ZNF248: variants seen among roughly 807,000 people sequenced by gnomAD.
The protein encoded by ZNF248 is KRAB protein domain.
ZNF248 carries 20 observed loss-of-function variants against 44.3 expected under a neutral mutation model. The ratio of observed to expected loss-of-function variants is 0.45; its 90% CI spans 0.32 to 0.66. ZNF248 has a LOEUF of 0.66. ZNF248 is among the 30% of genes least tolerant of loss of function. ZNF248 has a pLI of 0.04. For synonymous variants in ZNF248, 224 were observed against 229.0 expected (o/e 0.98, Z 0.20); for missense variants, 654 against 677.0 (o/e 0.97, Z 0.38).
intron 6 of ZNF248, among the ~76,000 whole-genome samples, chr10:37,777,412 C>T (rs1659053973): frequency 6.6e-6 from 1 of 152,190 alleles, no homozygotes; most frequent in African/African-American, 2.4e-5. Flanking sequence ...CTGATTTCCT[C>T]CCTGTTCCCC....
rs570863131 is a variant in ZNF248, at chr10:37,856,453, G to A, written c.-46C>T. On this transcript the variant is annotated 5_prime_UTR_variant, in exon 2 of 6. Coordinates refer to ENST00000395867, the MANE Select transcript of ZNF248 (RefSeq NM_021045.3). ...TACTTACGTGTCCATGTGTGGCTCCGATATATGCTGAGCTCAGACATGACA... is the reference window on the plus strand; with the variant it reads ...TACTTACGTGTCCATGTGTGGCTCCAATATATGCTGAGCTCAGACATGACA... 2.1e-6 allele frequency: 3 copies of A among 1,410,310 alleles called. No homozygotes were observed. The highest frequency in any genetic ancestry group is 2.5e-5 in the Admixed American group (1 of 39,410). The allele number at this position is 1,410,310 out of a possible 1,614,324, so 87.4% of individuals were successfully genotyped here.
chr10:37,850,791 T>C (rs1332356721), intron 3 of ZNF248, among the ~76,000 whole-genome samples: 1 of 152,092 alleles, frequency 6.6e-6, no homozygotes, highest in Non-Finnish European at 1.5e-5. Flanking sequence ...ACCTCATACC[T>C]TACACAAAAA....
At chr10:37,771,540 C>T (rs187339217), downstream of ZNF248, among the ~76,000 whole-genome samples, 194 of 148,928 alleles carry the variant, frequency 1.3e-3, 1 homozygote, top group Non-Finnish European at 1.7e-3. Context: ...ATCAAAACAC[C>T]GCATGTTCTC....
At chr10:37,843,249 T>A (rs1056723174) in intron 3 of ZNF248, among the ~76,000 whole-genome samples, 16 of 151,790 alleles carry the variant, frequency 1.1e-4, no homozygotes, top group African/African-American at 3.9e-4. Flanking sequence ...TGAAACCCCA[T>A]CTCTACTAAA....
intron 6 of ZNF248, among the ~76,000 whole-genome samples, chr10:37,785,647 T>G (rs191508251): frequency 6.6e-6 from 1 of 152,348 alleles, no homozygotes; most frequent in Admixed American, 6.5e-5. Flanking sequence ...AGGAAACTCC[T>G]GGGCCTGGTT....
the ZNF248 span, among the ~76,000 whole-genome samples, chr10:37,763,740 T>C: frequency 6.6e-6 from 1 of 152,216 alleles, no homozygotes; most frequent in Non-Finnish European, 1.5e-5. Flanking sequence ...GCTGAAGCCA[T>C]GGCAGAAGAA....
the ZNF248 span, among the ~76,000 whole-genome samples, chr10:37,760,818 G>C: frequency 6.6e-6 from 1 of 152,172 alleles, no homozygotes; most frequent in African/African-American, 2.4e-5. Context: ...CTGGATGACA[G>C]AGCAAGACTC....
downstream of ZNF248, among the ~76,000 whole-genome samples, chr10:37,824,673 ATTTTTTTTTTT>A (rs755411927): frequency 2.3e-4 from 18 of 79,704 alleles, no homozygotes; most frequent in Admixed American, 2.2e-4. Context: ...ATTATTTTAA[ATTTTTTTTTTT>A]TTTTTTTTTT....
At chr10:37,851,844 C>A (rs1016101105) in intron 3 of ZNF248, among the ~76,000 whole-genome samples, 5 of 146,440 alleles carry the variant, frequency 3.4e-5, no homozygotes, top group Non-Finnish European at 7.4e-5. Flanking sequence ...CTGGATCATG[C>A]GTACAGTGGC....
chr10:37,767,590 C>G, the ZNF248 span, among the ~76,000 whole-genome samples: 1 of 152,104 alleles, frequency 6.6e-6, no homozygotes, highest in African/African-American at 2.4e-5. Flanking sequence ...ATTTTGTCAC[C>G]ACCAGGCCTG....
chr10:37,830,662 C>G lies in ZNF248; in HGVS notation c.*953G>C, dbSNP rs1355013360. 1 of 953,572 alleles carries G rather than the reference C, an allele frequency of 1.0e-6. No individual in the cohort carries two copies. The highest frequency in any genetic ancestry group is 1.2e-6 in the Non-Finnish European group (1 of 801,386). The allele number at this position is 953,572 out of a possible 1,614,324, so 59.1% of individuals were successfully genotyped here. ...GCAGGTTCTCTGAGAAAATTAAAAC[C>G]CTGATTTATAGTTTGTCAATTTCCA... On this transcript the variant is annotated 3_prime_UTR_variant, in exon 6 of 6. Transcript: ENST00000395867.
chr10:37,828,651 A>C, downstream of ZNF248: 1 of 981,342 alleles, frequency 1.0e-6, no homozygotes, highest in Non-Finnish European at 1.2e-6. Flanking sequence ...TATTACTAGA[A>C]GAATGCAGAA....
At chr10:37,762,393 G>C in the ZNF248 span, among the ~76,000 whole-genome samples, 1 of 152,168 alleles carries the variant, frequency 6.6e-6, no homozygotes, top group South Asian at 2.1e-4. Flanking sequence ...TTATGTTCAA[G>C]AATTTGCCCC....
chr10:37,806,123 G>A (rs2050519353), intron 6 of ZNF248, among the ~76,000 whole-genome samples: 1 of 152,148 alleles, frequency 6.6e-6, no homozygotes, highest in Middle Eastern at 3.2e-3. Context: ...GGGACACATG[G>A]GTTGCTTTCA....
chr10:37,821,079 G>C, intron 6 of ZNF248: 1 of 650,148 alleles, frequency 1.5e-6, no homozygotes, highest in Non-Finnish European at 2.6e-6. Context: ...CTGAGAAGTA[G>C]GTCTACAGAG....
chr10:37,804,249 G>A (rs1332724932), intron 6 of ZNF248, among the ~76,000 whole-genome samples: 1 of 149,328 alleles, frequency 6.7e-6, no homozygotes, highest in Non-Finnish European at 1.5e-5. Context: ...TGTACCTGAG[G>A]GTGGTGGTTT....
At chr10:37,765,671 C>A in the ZNF248 span, among the ~76,000 whole-genome samples, 2 of 152,214 alleles carry the variant, frequency 1.3e-5, no homozygotes, top group African/African-American at 2.4e-5. Context: ...ATAGGAACAG[C>A]TCTGGTCTAC....
At chr10:37,813,206 T>C (rs946356980) in intron 6 of ZNF248, among the ~76,000 whole-genome samples, 7 of 152,152 alleles carry the variant, frequency 4.6e-5, no homozygotes, top group African/African-American at 9.7e-5. Context: ...AGAAACAATG[T>C]CGTAAAACAA....
chr10:37,791,265 A>G lies in ZNF248; in HGVS notation c.331-14690T>C, dbSNP rs916499607. ...CACCATGTTAGCCAGGATGGTTTCA[A>G]TCTCCTGACCTCGTGATCCACCTAC... On this transcript the variant is annotated intron_variant, in intron 6 of 6. Transcript: ENST00000615949. Among the ~76,000 whole-genome samples, 3 of 151,446 alleles carry G rather than the reference A, an allele frequency of 2.0e-5. No homozygotes were observed. The East Asian group carries it at 5.8e-4, about 29-fold the overall frequency.
Sources: gnomAD v4.1 joint callset for allele counts (sites outside exome capture counted in the v4.1 genomes callset) on GRCh38, gnomAD v4.1.1 for gene constraint, MANE v1.5 for transcripts, NCBI Gene and HGNC (gene_info 2026-07-23, HGNC 2026-07-21) for gene names.